The following CCDC3 variants were observed in gnomAD, a reference collection of about 807,000 sequenced individuals.
CCDC3 encodes coiled-coil domain containing 3.
Under a neutral mutation model 21.4 loss-of-function variants are expected in CCDC3, and 24 were observed. The observed-to-expected ratio is 1.12, with a 90% confidence interval of 0.81 to 1.58. The LOEUF is 1.58. Among genes scored for constraint, CCDC3 ranks in the 40% most tolerant of loss-of-function variants. CCDC3 has a pLI of 0.00. For missense variants in CCDC3, 425 were observed against 360.9 expected (o/e 1.18, Z -1.44); for synonymous variants, 186 against 166.0 (o/e 1.12, Z -0.93).
At chr10:12,921,769 GTCTAAC>G (rs1384601749) in intron 2 of CCDC3, among the ~76,000 whole-genome samples, 1 of 152,076 alleles carries the variant, frequency 6.6e-6, no homozygotes, top group African/African-American at 2.4e-5. Context: ...TTAAGACAGG[GTCTAAC>G]TCTGTCACCC....
intron 2 of CCDC3, among the ~76,000 whole-genome samples, chr10:12,995,763 C>G (rs1465999943): frequency 1.3e-5 from 2 of 152,144 alleles, no homozygotes; most frequent in Non-Finnish European, 2.9e-5. Context: ...TCTAAGAGGC[C>G]AGGGTGATTC....
chr10:13,031,657 G>T (rs1041970608), intron 5 of CCDC3, among the ~76,000 whole-genome samples: 1 of 151,942 alleles, frequency 6.6e-6, no homozygotes, highest in East Asian at 1.9e-4. Context: ...GATAAAGGGG[G>T]TATCACCACC....
chr10:12,939,664 TCAATTCTGTCCAGATGAGATACCCTGGG>T, intron 2 of CCDC3, among the ~76,000 whole-genome samples: 1 of 14,130 alleles, frequency 7.1e-5, no homozygotes. Context: ...GGAAAGCGGA[TCAATTCTGTCCAGATGAGATACCCTGGG>T]AAGGCCAACC....
chr10:13,017,181 G>A (rs2131402587), intron 5 of CCDC3, among the ~76,000 whole-genome samples: 1 of 152,124 alleles, frequency 6.6e-6, no homozygotes, highest in East Asian at 1.9e-4. Context: ...GAAACAGGGA[G>A]ACGAGCTGAT....
chr10:12,993,242 TCCTGAGACAATAC>T (rs1219292629), intron 2 of CCDC3, among the ~76,000 whole-genome samples: 2 of 152,226 alleles, frequency 1.3e-5, no homozygotes, highest in African/African-American at 2.4e-5. Context: ...TCTAATTAGG[TCCTGAGACAATAC>T]CCTGAGACAG....
Position 12,988,165 on chromosome 10 carries a change from A to C in CCDC3, c.549+10173T>G, listed in dbSNP as rs75838662. On this transcript the variant is annotated intron_variant, in intron 2 of 2. Coordinates refer to ENST00000378825, the MANE Select transcript of CCDC3 (RefSeq NM_031455.4). ...CTTGTTCCATTCTCTCCCCACCGCC[A>C]ATGCTCATTCCTATTTTTCCACCCC... Among the ~76,000 whole-genome samples, 383 of 152,180 alleles carry C rather than the reference A, an allele frequency of 2.5e-3. 4 individuals carry two copies. The highest frequency in any genetic ancestry group is 0.017 in the Admixed American group (260 of 15,294).
intron 2 of CCDC3, among the ~76,000 whole-genome samples, chr10:12,934,443 T>C (rs549869277): frequency 6.6e-6 from 1 of 152,346 alleles, no homozygotes; most frequent in East Asian, 1.9e-4. Context: ...TGAAGGAGTA[T>C]GTAAGTGGCA....
At chr10:12,932,920 A>G (rs1404457812) in intron 2 of CCDC3, among the ~76,000 whole-genome samples, 2 of 152,188 alleles carry the variant, frequency 1.3e-5, no homozygotes, top group East Asian at 1.9e-4. Flanking sequence ...TGATATGATC[A>G]TGTGATTTTT....
At chr10:13,067,379 T>G (rs1836833529) in intron 4 of CCDC3, among the ~76,000 whole-genome samples, 2 of 138,052 alleles carry the variant, frequency 1.4e-5, no homozygotes, top group African/African-American at 5.9e-5. Context: ...GCATTTAACT[T>G]TTAAGTGAGA....
chr10:13,095,804 A>C (rs1832622808), intron 3 of CCDC3, among the ~76,000 whole-genome samples: 1 of 152,188 alleles, frequency 6.6e-6, no homozygotes. Context: ...CCCATTTGTA[A>C]ATGTATGATT....
intron 3 of CCDC3, among the ~76,000 whole-genome samples, chr10:13,095,104 T>C (rs184228553): frequency 6.9e-4 from 104 of 151,156 alleles, no homozygotes; most frequent in Admixed American, 2.2e-3. Context: ...AGCAACCTAT[T>C]AGAGGCATAG....
At chr10:12,940,406 TTGAGAGTTATATTAGGAATGGA>T (rs1834810117) in intron 2 of CCDC3, among the ~76,000 whole-genome samples, 2 of 152,112 alleles carry the variant, frequency 1.3e-5, no homozygotes, top group Non-Finnish European at 2.9e-5. Context: ...CTATGGCCTC[TTGAGAGTTATATTAGGAATGGA>T]TGAGCTTAGA....
intron 4 of CCDC3, among the ~76,000 whole-genome samples, chr10:13,052,278 C>T (rs1349692224): frequency 6.6e-6 from 1 of 151,984 alleles, no homozygotes; most frequent in South Asian, 2.1e-4. Flanking sequence ...GAGGCTGAGG[C>T]GGGAAGATCG....
intron 2 of CCDC3, among the ~76,000 whole-genome samples, chr10:12,923,569 T>G (rs1331680493): frequency 6.6e-6 from 1 of 152,184 alleles, no homozygotes; most frequent in African/African-American, 2.4e-5. Flanking sequence ...CTTTTTGCAT[T>G]AATCCTGCAG....
At chr10:12,983,959 A>C (rs1389800609) in intron 2 of CCDC3, among the ~76,000 whole-genome samples, 4 of 152,182 alleles carry the variant, frequency 2.6e-5, no homozygotes, top group Non-Finnish European at 5.9e-5. Flanking sequence ...GCATGCCTGT[A>C]ATCTCAGCTA....
At position 12,941,938 on chromosome 10, in the gene CCDC3, C is replaced by G. The variant is rs541760834; in HGVS notation, c.550-43259G>C. On this transcript the variant is annotated intron_variant, in intron 2 of 2. Transcript: ENST00000378825. ...AAGAATGGAGACGGCCTTGAATCAT[C>G]TACTTCAAAAGTCTTACCTTTGTTG... is the stretch of plus-strand genomic sequence containing the variant. Among the ~76,000 whole-genome samples, 9 of 152,340 alleles carry G rather than the reference C, an allele frequency of 5.9e-5. No homozygotes were observed. In the South Asian group the frequency reaches 1.7e-3, roughly 28 times the overall value.
At chr10:13,090,903 C>CA (rs1320721680) in intron 3 of CCDC3, among the ~76,000 whole-genome samples, 3 of 152,206 alleles carry the variant, frequency 2.0e-5, no homozygotes, top group Non-Finnish European at 4.4e-5. Context: ...GTCCAAGTCC[C>CA]AAAGCCTCAA....
chr10:12,980,625 G>A (rs758599128), intron 2 of CCDC3, among the ~76,000 whole-genome samples: 140 of 152,146 alleles, frequency 9.2e-4, no homozygotes, highest in Admixed American at 4.6e-3. Context: ...ATGTCCTCCC[G>A]GAGAGCTCAG....
chr10:13,095,592 G>A (rs942053159), intron 3 of CCDC3, among the ~76,000 whole-genome samples: 15 of 152,178 alleles, frequency 9.9e-5, no homozygotes, highest in East Asian at 9.6e-4. Context: ...GACAAGAGGC[G>A]GAGCTTAGGC....
Sources: allele counts gnomAD v4.1 joint callset (sites outside exome capture counted in the v4.1 genomes callset), GRCh38; gene constraint gnomAD v4.1.1; transcripts MANE v1.5; gene names NCBI Gene and HGNC (gene_info 2026-07-23, HGNC 2026-07-21).